The following COG6 variants were observed in gnomAD, a reference collection of about 807,000 sequenced individuals.
The protein encoded by COG6 is conserved oligomeric Golgi complex subunit 6.
COG6 carries 74 observed loss-of-function variants against 88.8 expected under a neutral mutation model. The ratio of observed to expected loss-of-function variants is 0.83; its 90% CI spans 0.69 to 1.01. The LOEUF is 1.01. COG6 is among the 50% of genes least tolerant of loss of function. COG6 has a pLI of 0.00. For missense variants in COG6, 800 were observed against 797.9 expected (o/e 1.00, Z -0.03); for synonymous variants, 286 against 278.7 (o/e 1.03, Z -0.26).
chr13:39,668,712 A>G (rs887726064), intron 4 of COG6, among the ~76,000 whole-genome samples: 1 of 151,470 alleles, frequency 6.6e-6, no homozygotes, highest in Admixed American at 6.6e-5. Flanking sequence ...GGCATGAACC[A>G]GGGAGGCAGA....
At chr13:39,745,299 C>T (rs140296850) in intron 18 of COG6, among the ~76,000 whole-genome samples, 34 of 152,214 alleles carry the variant, frequency 2.2e-4, no homozygotes, top group African/African-American at 7.7e-4. Flanking sequence ...TCAGAGTGAA[C>T]AGGCAACCTA....
chr13:39,752,734 G>T, downstream of COG6: 1 of 1,011,590 alleles, frequency 9.9e-7, no homozygotes, highest in African/African-American at 1.7e-5. Context: ...GCAAAACTGA[G>T]GTAATCAGTG....
At chr13:39,762,765 T>G (rs1473191851) in intron 18 of COG6, among the ~76,000 whole-genome samples, 1 of 150,622 alleles carries the variant, frequency 6.6e-6, no homozygotes, top group South Asian at 2.1e-4. Flanking sequence ...ATAAGAGTTT[T>G]TTTTTTTTTT....
intron 18 of COG6, among the ~76,000 whole-genome samples, chr13:39,771,934 G>T (rs923540193): frequency 2.0e-5 from 3 of 152,200 alleles, no homozygotes; most frequent in Non-Finnish European, 4.4e-5. Context: ...CAAGGTAGGG[G>T]TGAGAAGGCT....
chr13:39,738,629 A>G (rs1037151884), intron 18 of COG6, among the ~76,000 whole-genome samples: 1 of 152,196 alleles, frequency 6.6e-6, no homozygotes, highest in African/African-American at 2.4e-5. Flanking sequence ...ATGAAAAAGC[A>G]TGGTACAACT....
At chr13:39,773,662 A>G (rs1881379634) in intron 18 of COG6, among the ~76,000 whole-genome samples, 1 of 152,206 alleles carries the variant, frequency 6.6e-6, no homozygotes, top group Non-Finnish European at 1.5e-5. Flanking sequence ...TCCAATCAGG[A>G]TTCTTTTAAA....
intron 18 of COG6, among the ~76,000 whole-genome samples, chr13:39,780,090 A>G (rs1188590700): frequency 6.6e-6 from 1 of 152,244 alleles, no homozygotes; most frequent in Non-Finnish European, 1.5e-5. Context: ...AACATGTGTC[A>G]GGAAATTGAC....
intron 8 of COG6, among the ~76,000 whole-genome samples, chr13:39,686,448 C>T: frequency 6.6e-6 from 1 of 152,144 alleles, no homozygotes; most frequent in Admixed American, 6.5e-5. Context: ...CAGTTAAAAG[C>T]TTTCCTTCCC....
chr13:39,706,171 T>C (rs1877881931), intron 13 of COG6, among the ~76,000 whole-genome samples: 1 of 146,082 alleles, frequency 6.8e-6, no homozygotes, highest in African/African-American at 2.5e-5. Context: ...TATATATTTA[T>C]ATATATGTAT....
chr13:39,668,273 C>T (rs538572922), intron 4 of COG6, among the ~76,000 whole-genome samples: 3 of 152,158 alleles, frequency 2.0e-5, no homozygotes, highest in African/African-American at 7.2e-5. Context: ...GGATTCGGCC[C>T]TTTTAACAAT....
chr13:39,688,018 T>C (rs1043182506), intron 10 of COG6, among the ~76,000 whole-genome samples: 1 of 152,212 alleles, frequency 6.6e-6, no homozygotes, highest in Non-Finnish European at 1.5e-5. Flanking sequence ...AGTTTTATAG[T>C]GAAACCTAGT....
At chr13:39,786,045 T>C (rs950396659) in intron 18 of COG6, among the ~76,000 whole-genome samples, 11 of 152,188 alleles carry the variant, frequency 7.2e-5, no homozygotes, top group Non-Finnish European at 1.5e-4. Flanking sequence ...TATACATCCC[T>C]GGCTCAGGAA....
At chr13:39,732,431 A>G (rs1241705448) in intron 18 of COG6, among the ~76,000 whole-genome samples, 3 of 152,250 alleles carry the variant, frequency 2.0e-5, no homozygotes, top group African/African-American at 4.8e-5. Flanking sequence ...CCAAACCTAG[A>G]GAAAAAAATC....
At chr13:39,657,381 G>A (rs1439760474) in intron 1 of COG6, among the ~76,000 whole-genome samples, 1 of 152,164 alleles carries the variant, frequency 6.6e-6, no homozygotes, top group Admixed American at 6.5e-5. Context: ...AGAGAGTGCA[G>A]CTAGGTTGTC....
intron 18 of COG6, among the ~76,000 whole-genome samples, chr13:39,730,699 G>T (rs1430816831): frequency 2.1e-5 from 3 of 141,314 alleles, no homozygotes; most frequent in South Asian, 4.6e-4. Context: ...GCTTGAACCC[G>T]GGAGGTGGAG....
intron 13 of COG6, among the ~76,000 whole-genome samples, chr13:39,718,962 AT>A (rs1457440826): frequency 6.6e-6 from 1 of 152,164 alleles, no homozygotes. Context: ...TTAAAATGTA[AT>A]TCTACAATTC....
chr13:39,748,580 A>G (rs1281293528), intron 18 of COG6, among the ~76,000 whole-genome samples: 1 of 151,896 alleles, frequency 6.6e-6, no homozygotes, highest in Non-Finnish European at 1.5e-5. Context: ...ATGCCACTGC[A>G]CTCCAGCCTG....
intron 18 of COG6, among the ~76,000 whole-genome samples, chr13:39,742,498 A>T (rs1386546664): frequency 1.3e-5 from 2 of 152,084 alleles, no homozygotes; most frequent in African/African-American, 4.8e-5. Context: ...AGATCAAAAG[A>T]GACAAAGAAG....
At chr13:39,770,920 C>T (rs1266937475) in intron 18 of COG6, among the ~76,000 whole-genome samples, 2 of 152,170 alleles carry the variant, frequency 1.3e-5, no homozygotes, top group South Asian at 2.1e-4. Flanking sequence ...CGCCTCATTG[C>T]CTTCTCTTCT....
Sources: allele counts gnomAD v4.1 joint callset (sites outside exome capture counted in the v4.1 genomes callset), GRCh38; gene constraint gnomAD v4.1.1; transcripts MANE v1.5; gene names NCBI Gene and HGNC (gene_info 2026-07-23, HGNC 2026-07-21).